Variants in TXNDC12 observed in about 807,000 individuals in gnomAD.
TXNDC12 encodes thioredoxin domain containing 12.
In TXNDC12, 22 loss-of-function variants were observed where a neutral mutation model predicts 24.2. That is an observed-to-expected ratio of 0.91 (90% CI 0.65 to 1.30). TXNDC12 has a LOEUF of 1.30. TXNDC12 is among the 50% of genes most tolerant of loss of function. The pLI, the probability that TXNDC12 is intolerant of heterozygous loss-of-function variation, is 0.00. For missense variants in TXNDC12, 184 were observed against 205.8 expected (o/e 0.89, Z 0.65); for synonymous variants, 58 against 73.4 (o/e 0.79, Z 1.07).
chr1:52,041,065 G>T (rs1244581995), intron 2 of TXNDC12, among the ~76,000 whole-genome samples: 1 of 151,672 alleles, frequency 6.6e-6, no homozygotes, highest in East Asian at 1.9e-4. Flanking sequence ...GGGCGCGGTG[G>T]CTCACGCCTG....
chr1:52,047,552 T>C (rs979835993), intron 1 of TXNDC12, among the ~76,000 whole-genome samples: 1 of 152,070 alleles, frequency 6.6e-6, no homozygotes, highest in Non-Finnish European at 1.5e-5. Context: ...TAGATAAATA[T>C]GTAAATATTG....
rs71041880 is a variant in TXNDC12 at position 52,038,903 on chromosome 1, G to GT, written c.158+2633dup. Among the ~76,000 whole-genome samples, 168 of 116,278 alleles carry GT rather than the reference G, an allele frequency of 1.4e-3. 1 individual carries two copies. The highest frequency in any genetic ancestry group is 4.3e-3 in the African/African-American group (135 of 31,348). 76.3% of individuals were successfully genotyped at this position (116,278 alleles called of 152,430 possible). A position where few individuals can be genotyped will look rare whatever the true frequency, so the allele number is the denominator to read the frequency against. On this transcript the variant is annotated intron_variant, in intron 2 of 6. Coordinates refer to ENST00000371626, the MANE Select transcript of TXNDC12 (RefSeq NM_015913.4). ...AATTTTCTTTTTTTTTTCTTTTTCTGTTTTTTTTTTTTTTTTACGCAATTG... is the reference window on the plus strand; with the variant it reads ...AATTTTCTTTTTTTTTTCTTTTTCTGTTTTTTTTTTTTTTTTTACGCAATTG...
At chr1:52,037,931 T>C (rs561236815) in intron 2 of TXNDC12, among the ~76,000 whole-genome samples, 182 of 152,056 alleles carry the variant, frequency 1.2e-3, no homozygotes, top group African/African-American at 4.2e-3. Flanking sequence ...TTTTTTTTTT[T>C]CCTTTTTAAA....
Position 52,055,074 on chromosome 1 carries a change from C to G in TXNDC12, c.23G>C (p.Gly8Ala). 1 of 1,614,070 alleles carries G rather than the reference C, an allele frequency of 6.2e-7. No individual in the cohort carries two copies. The highest frequency in any genetic ancestry group is 8.5e-7 in the Non-Finnish European group (1 of 1,179,942). METRPRL[G>A]ATCLLGFSFL... ...ACTGAAGCCCAGCAAACAGGTGGCC[C>G]CGAGACGAGGCCGCGTCTCCATGGC... The change falls in exon 1 of 7, where the codon GGG becomes GCG. Residue 8 changes from glycine (G) to alanine (A), a missense_variant. Transcript: ENST00000371626.
chr1:52,048,162 G>A (rs190873746), intron 1 of TXNDC12, among the ~76,000 whole-genome samples: 13 of 152,236 alleles, frequency 8.5e-5, no homozygotes, highest in African/African-American at 3.1e-4. Context: ...GTACCTCTAC[G>A]ATGCTTATAA....
chr1:52,047,510 A>T (rs1686120810), intron 1 of TXNDC12, among the ~76,000 whole-genome samples: 1 of 152,220 alleles, frequency 6.6e-6, no homozygotes. Context: ...CCTAGATACA[A>T]AGAATAGTGA....
At chr1:52,033,462 G>A (rs1225184083) in intron 2 of TXNDC12, 1 of 1,613,226 alleles carries the variant, frequency 6.2e-7, no homozygotes, top group East Asian at 2.2e-5. Flanking sequence ...GGCAGAGCGG[G>A]GTGCGCGCCG....
intron 1 of TXNDC12, among the ~76,000 whole-genome samples, chr1:52,051,461 C>T (rs576639406): frequency 2.6e-5 from 4 of 152,224 alleles, no homozygotes; most frequent in Middle Eastern, 3.4e-3. Context: ...CTGCAACCTC[C>T]GCCTCCCAGG....
Position 52,020,836 on chromosome 1 carries a change from G to C in TXNDC12, c.*97C>G. 9.8e-7 allele frequency: 1 copy of C among 1,015,972 alleles called. No individual in the cohort carries two copies. 62.9% of individuals were successfully genotyped at this position (1,015,972 alleles called of 1,614,324 possible). A position where few individuals can be genotyped will look rare whatever the true frequency, so the allele number is the denominator to read the frequency against. The stretch of plus-strand genomic sequence containing the variant: ...AGTGTAGGTAGGAATGAGGTTTCCT[G>C]GTCGGCTTAATTGTTCTAGATGATT... On this transcript the variant is annotated 3_prime_UTR_variant, in exon 7 of 7. Coordinates refer to ENST00000371626, the MANE Select transcript of TXNDC12 (RefSeq NM_015913.4).
chr1:52,032,078 G>A (rs1305149642), intron 2 of TXNDC12: 3 of 899,044 alleles, frequency 3.3e-6, no homozygotes, highest in Non-Finnish European at 4.0e-6. Context: ...GTTACACAGG[G>A]AACATTAAGT....
intron 2 of TXNDC12, among the ~76,000 whole-genome samples, chr1:52,034,782 G>T (rs1177257784): frequency 6.6e-6 from 1 of 151,580 alleles, no homozygotes; most frequent in Non-Finnish European, 1.5e-5. Flanking sequence ...ATTATTTTTT[G>T]AGATGGAGCC....
intron 6 of TXNDC12, among the ~76,000 whole-genome samples, chr1:52,022,622 CG>C (rs1685614107): frequency 6.9e-6 from 1 of 145,470 alleles, no homozygotes; most frequent in Non-Finnish European, 1.5e-5. Flanking sequence ...GTTTACGTTT[CG>C]GGGTTTTTTT....
Position 52,025,749 on chromosome 1 carries a change from A to G in TXNDC12, c.286-1170T>C, listed in dbSNP as rs1685662341. Reference sequence around the variant, plus strand: ...AGGCTATCCCCTAGCTATATAAGCAATCCCTTAGCTGCCTCACTGTTAACT... The same window carrying G: ...AGGCTATCCCCTAGCTATATAAGCAGTCCCTTAGCTGCCTCACTGTTAACT... On this transcript the variant is annotated intron_variant, in intron 4 of 6. Transcript: ENST00000371626. 2.0e-5 allele frequency among the ~76,000 whole-genome samples: 3 copies of G among 152,160 alleles called. No individual in the cohort carries two copies. In the South Asian group the frequency reaches 6.2e-4, roughly 32 times the overall value.
At chr1:52,024,094 A>G (rs1348466151) in intron 5 of TXNDC12, among the ~76,000 whole-genome samples, 1 of 151,688 alleles carries the variant, frequency 6.6e-6, no homozygotes, top group Non-Finnish European at 1.5e-5. Flanking sequence ...TCCCAGGCTC[A>G]ATTGATCCTC....
intron 1 of TXNDC12, among the ~76,000 whole-genome samples, chr1:52,049,783 C>T (rs888880083): frequency 6.6e-6 from 1 of 151,958 alleles, no homozygotes; most frequent in Non-Finnish European, 1.5e-5. Flanking sequence ...AGCAATCTGC[C>T]CGCCTTGGCC....
At position 52,034,073 on chromosome 1, in the gene TXNDC12, A is replaced by T. The variant is rs1055229910; in HGVS notation, c.159-5443T>A. On this transcript the variant is annotated intron_variant, in intron 2 of 6. Transcript: ENST00000371626. ...AGGCCTAAGGGGCATTAAATATTGT[A>T]AGCAATCAGCACTATATTTAGCATA... 14 of 1,308,422 alleles carry T rather than the reference A, an allele frequency of 1.1e-5. No homozygotes were observed. The African/African-American group carries it at 2.1e-4, about 20-fold the overall frequency. 81.1% of individuals were successfully genotyped at this position (1,308,422 alleles called of 1,614,324 possible).
chr1:52,028,606 A>C lies in TXNDC12; in HGVS notation c.183T>G (p.Ile61Met), dbSNP rs1324158409. 2 of 1,613,136 alleles carry C rather than the reference A, an allele frequency of 1.2e-6. No homozygotes were observed. Among genetic ancestry groups the C allele is most frequent in the Admixed American group, 3.3e-5 (2 of 59,868 alleles). ...TGCAAGCTCCACACCAGGATTTATG[A>C]ATAATCACCATCAGGGGCAGTCCAC... ...AASGLPLMVI[I>M]HKSWCGACKA... Residue 61 changes from isoleucine to methionine, a missense_variant, in exon 3 of 7, where the codon ATT becomes ATG. Physicochemically the swap from Ile to Met is conservative, Grantham distance 10. Coordinates refer to ENST00000371626, the MANE Select transcript of TXNDC12 (RefSeq NM_015913.4).
chr1:52,041,779 A>G (rs1685997101), intron 1 of TXNDC12, among the ~76,000 whole-genome samples, 182 bp from the exon 2 acceptor site: 1 of 152,340 alleles, frequency 6.6e-6, no homozygotes. Context: ...CTCAGTTTTC[A>G]TACCTGCAAA....
chr1:52,032,696 G>A, intron 2 of TXNDC12: 2 of 1,595,674 alleles, frequency 1.3e-6, no homozygotes, highest in Non-Finnish European at 1.7e-6. Context: ...ACCTCCTCTG[G>A]TCAGTGCAGG....
Sources: allele counts gnomAD v4.1 joint callset (sites outside exome capture counted in the v4.1 genomes callset), GRCh38; gene constraint gnomAD v4.1.1; transcripts MANE v1.5; gene names NCBI Gene and HGNC (gene_info 2026-07-23, HGNC 2026-07-21).